Variants in TMEM38B observed in about 807,000 individuals in gnomAD.
The protein encoded by TMEM38B is trimeric intracellular cation channel type B.
Under a neutral mutation model 28.7 loss-of-function variants are expected in TMEM38B, and 24 were observed. That is an observed-to-expected ratio of 0.84 (90% CI 0.61 to 1.18). The LOEUF (loss-of-function observed/expected upper bound fraction) is 1.18. Among genes scored for constraint, TMEM38B ranks in the 50% most tolerant of loss-of-function variants. TMEM38B has a pLI of 0.00. For synonymous variants in TMEM38B, 131 were observed against 127.7 expected (o/e 1.03, Z -0.17); for missense variants, 380 against 350.9 (o/e 1.08, Z -0.66).
intron 5 of TMEM38B, chr9:105,758,422 A>G: frequency 1.4e-6 from 2 of 1,382,772 alleles, no homozygotes; most frequent in Non-Finnish European, 2.1e-6. Context: ...CTAAGAAAAC[A>G]CAGACAACAC....
chr9:105,759,955 A>G lies in TMEM38B; in HGVS notation c.660+11765A>G, dbSNP rs1423436776. 3.3e-5 allele frequency: 52 copies of G among 1,572,718 alleles called. 2 individuals carry two copies. The South Asian group carries it at 5.0e-4, about 15-fold the overall frequency. On this transcript the variant is annotated intron_variant, in intron 5 of 5. Coordinates refer to ENST00000374692, the MANE Select transcript of TMEM38B (RefSeq NM_018112.3). Reference sequence around the variant, plus strand: ...TGGACAAAGCAGCACAAGTGTGCAAACAGCTATGCAAAGTGAACTCGGAGA... The same window carrying G: ...TGGACAAAGCAGCACAAGTGTGCAAGCAGCTATGCAAAGTGAACTCGGAGA...
intron 4 of TMEM38B, among the ~76,000 whole-genome samples, chr9:105,747,374 A>G (rs553596247): frequency 0.032 from 4,863 of 152,114 alleles, 72 homozygotes; most frequent in South Asian, 0.092. Flanking sequence ...AGAGGTGTTT[A>G]TAGTATTCTC....
intron 5 of TMEM38B, among the ~76,000 whole-genome samples, chr9:105,766,059 C>T (rs1011036235): frequency 9.2e-5 from 14 of 152,276 alleles, no homozygotes; most frequent in Admixed American, 6.5e-4. Context: ...CCTCGGCCTC[C>T]CAGTGCTGGA....
Position 105,705,903 on chromosome 9 carries a change from T to A in TMEM38B, c.269+150T>A, listed in dbSNP as rs75898442. 5.0e-4 allele frequency: 111 copies of A among 222,352 alleles called. No individual in the cohort carries two copies. In the Middle Eastern group the frequency reaches 5.5e-3, roughly 11 times the overall value. The allele number at this position is 222,352 out of a possible 1,614,324, so 13.8% of individuals were successfully genotyped here. On this transcript the variant is annotated intron_variant, in intron 2 of 5. Coordinates refer to ENST00000374692, the MANE Select transcript of TMEM38B (RefSeq NM_018112.3). The stretch of plus-strand genomic sequence containing the variant: ...AAGGAACCCAAATAATGCTAAGGGG[T>A]TTTTTTTTTTTTTTTGAGACGGAGT...
intron 5 of TMEM38B, chr9:105,759,195 C>T: frequency 1.4e-6 from 1 of 733,852 alleles, no homozygotes. Context: ...TGAACCTCTC[C>T]TTACTTTTGA....
intron 4 of TMEM38B, among the ~76,000 whole-genome samples, chr9:105,745,467 T>A (rs943556088): frequency 6.6e-6 from 1 of 152,150 alleles, no homozygotes; most frequent in Non-Finnish European, 1.5e-5. Flanking sequence ...GTTTGAGTTC[T>A]TTGTAGATTC....
chr9:105,725,959 C>CTTTTTTAAAAAA (rs1836494663), intron 4 of TMEM38B, among the ~76,000 whole-genome samples: 1 of 151,816 alleles, frequency 6.6e-6, no homozygotes, highest in Non-Finnish European at 1.5e-5. Flanking sequence ...TAACTTTTTT[C>CTTTTTTAAAAAA]TTTTTTAAAA....
intron 4 of TMEM38B, among the ~76,000 whole-genome samples, chr9:105,724,227 G>A (rs1373937252): frequency 1.3e-5 from 2 of 152,164 alleles, no homozygotes; most frequent in Admixed American, 6.5e-5. Context: ...AATTCAAGAA[G>A]GAAAAGACTT....
rs953126989 is a variant in TMEM38B, at chr9:105,776,510, A to G, written c.*2430A>G. 1 of 152,162 alleles carries G rather than the reference A, an allele frequency of 6.6e-6. No individual in the cohort carries two copies. The highest frequency in any genetic ancestry group is 1.5e-5 in the Non-Finnish European group (1 of 68,030). The allele number at this position is 152,162 out of a possible 1,614,324, so 9.4% of individuals were successfully genotyped here. A position where few individuals can be genotyped will look rare whatever the true frequency, so the allele number is the denominator to read the frequency against. On this transcript the variant is annotated 3_prime_UTR_variant, in exon 6 of 6. Coordinates refer to ENST00000374692, the MANE Select transcript of TMEM38B (RefSeq NM_018112.3). ...CACCTTTCCATTAAAATCTACTTCA[A>G]ATCACAAGTTGATTACAATTGAGTG...
At chr9:105,703,794 G>C (rs1368058149) in intron 1 of TMEM38B, among the ~76,000 whole-genome samples, 1 of 152,036 alleles carries the variant, frequency 6.6e-6, no homozygotes, top group East Asian at 1.9e-4. Flanking sequence ...TTCTCTGATG[G>C]CCAGCGATGA....
chr9:105,726,094 A>T (rs2133583516), intron 4 of TMEM38B, among the ~76,000 whole-genome samples: 1 of 152,208 alleles, frequency 6.6e-6, no homozygotes, highest in South Asian at 2.1e-4. Context: ...GGTAATTGGG[A>T]TATCCATCAC....
chr9:105,764,637 C>T (rs1395092482), intron 5 of TMEM38B, among the ~76,000 whole-genome samples: 1 of 151,476 alleles, frequency 6.6e-6, no homozygotes, highest in African/African-American at 2.4e-5. Flanking sequence ...GAATCAATAT[C>T]GTGAAAATGG....
chr9:105,736,995 C>A (rs1168101458), intron 4 of TMEM38B, among the ~76,000 whole-genome samples: 1 of 152,160 alleles, frequency 6.6e-6, no homozygotes, highest in Admixed American at 6.5e-5. Flanking sequence ...CTTGTTTTCC[C>A]AGCAACGGGA....
chr9:105,719,198 G>A (rs892247784), intron 2 of TMEM38B, among the ~76,000 whole-genome samples: 12 of 152,004 alleles, frequency 7.9e-5, no homozygotes, highest in African/African-American at 2.9e-4. Context: ...GTGGCCTAGG[G>A]TCTTGTTTGT....
chr9:105,746,792 T>C (rs1837415340), intron 4 of TMEM38B, among the ~76,000 whole-genome samples: 1 of 152,228 alleles, frequency 6.6e-6, no homozygotes, highest in Admixed American at 6.5e-5. Flanking sequence ...CATGAAGGGC[T>C]GTTGAATTTT....
intron 5 of TMEM38B, chr9:105,759,946 A>G: frequency 1.3e-6 from 2 of 1,582,694 alleles, no homozygotes; most frequent in Non-Finnish European, 1.7e-6. Flanking sequence ...AAGCAGCACA[A>G]GTGTGCAAAC....
At chr9:105,748,639 A>G (rs913449664) in intron 5 of TMEM38B, among the ~76,000 whole-genome samples, 4 of 152,200 alleles carry the variant, frequency 2.6e-5, no homozygotes, top group Admixed American at 6.5e-5. Flanking sequence ...TCCTGAAGAT[A>G]GGTTAGAGAC....
chr9:105,743,769 C>A (rs962200194), intron 4 of TMEM38B, among the ~76,000 whole-genome samples: 1 of 152,120 alleles, frequency 6.6e-6, no homozygotes, highest in African/African-American at 2.4e-5. Flanking sequence ...TGGGCAAATG[C>A]TAAAAATCCG....
chr9:105,719,765 G>A (rs1000998005), intron 2 of TMEM38B, among the ~76,000 whole-genome samples: 30 of 152,168 alleles, frequency 2.0e-4, no homozygotes, highest in African/African-American at 5.5e-4. Context: ...TTTAACTCAC[G>A]TTAAAGTTAG....
Sources: gnomAD v4.1 joint callset for allele counts (sites outside exome capture counted in the v4.1 genomes callset) on GRCh38, gnomAD v4.1.1 for gene constraint, MANE v1.5 for transcripts, NCBI Gene and HGNC (gene_info 2026-07-23, HGNC 2026-07-21) for gene names.